SEC23IP: variants seen among roughly 807,000 people sequenced by gnomAD.
SEC23IP encodes the protein SEC23 interacting protein.
A neutral mutation model predicts 113.4 loss-of-function variants in SEC23IP; 70 were observed. That is an observed-to-expected ratio of 0.62 (90% CI 0.51 to 0.75). SEC23IP has a LOEUF of 0.75. Among genes scored for constraint, SEC23IP ranks in the 30% least tolerant of loss-of-function variants. The pLI, the probability that SEC23IP is intolerant of heterozygous loss-of-function variation, is 0.00. For synonymous variants in SEC23IP, 398 were observed against 421.0 expected (o/e 0.95, Z 0.67); for missense variants, 1,160 against 1,204.9 (o/e 0.96, Z 0.55).
intron 3 of SEC23IP, among the ~76,000 whole-genome samples, chr10:119,903,661 A>G (rs1854569528): frequency 6.6e-6 from 1 of 152,208 alleles, no homozygotes; most frequent in African/African-American, 2.4e-5. Context: ...CTATTTTGAA[A>G]TAAAAATGAG....
At chr10:119,918,926 A>C (rs1855144418) in intron 10 of SEC23IP, among the ~76,000 whole-genome samples, 2 of 152,180 alleles carry the variant, frequency 1.3e-5, no homozygotes, top group Admixed American at 6.5e-5. Context: ...TGTGATTTTT[A>C]AAAATGTAAA....
intron 4 of SEC23IP, 39 bp downstream of exon 4, chr10:119,904,316 A>C (rs577038546): frequency 6.4e-7 from 1 of 1,570,536 alleles, no homozygotes; most frequent in Non-Finnish European, 8.8e-7. Flanking sequence ...TCTTTAAAAA[A>C]TGTAGGTCCT....
At chr10:119,924,941 C>T (rs1042040169) in intron 12 of SEC23IP, among the ~76,000 whole-genome samples, 3 of 151,974 alleles carry the variant, frequency 2.0e-5, no homozygotes, top group Non-Finnish European at 4.4e-5. Context: ...CCATGCCCAG[C>T]TAATTTTTCT....
At chr10:119,894,343 A>T (rs61870584) in intron 1 of SEC23IP, among the ~76,000 whole-genome samples, 1 of 152,116 alleles carries the variant, frequency 6.6e-6, no homozygotes, top group Non-Finnish European at 1.5e-5. Context: ...AGACAGTTTC[A>T]TGGAGAAGCG....
chr10:119,928,864 T>C (rs1855500638), intron 13 of SEC23IP, among the ~76,000 whole-genome samples: 1 of 152,270 alleles, frequency 6.6e-6, no homozygotes. Context: ...ATGATAGTTA[T>C]AATAGTAACA....
At chr10:119,914,399 T>G (rs1417689342) in intron 6 of SEC23IP, 2 of 266,186 alleles carry the variant, frequency 7.5e-6, no homozygotes, top group African/African-American at 4.4e-5. Flanking sequence ...CTGAGTAATC[T>G]CCACTGGGGC....
Position 119,926,039 on chromosome 10 carries a change from A to G in SEC23IP, c.2125A>G (p.Lys709Glu). 2 of 1,608,750 alleles carry G rather than the reference A, an allele frequency of 1.2e-6. No homozygotes were observed. The highest frequency in any genetic ancestry group is 1.7e-6 in the Non-Finnish European group (2 of 1,178,054). The change falls in exon 13 of 19, where the codon AAA becomes GAA. Residue 709 changes from lysine (K) to glutamate (E), a missense_variant. Transcript: ENST00000369075. Reference sequence around the variant, plus strand: ...ACTAAATTTTGGTATTTTACAGAAAAAAGCAGCGTCAGAAAAGAAGGCAGT... The same window carrying G: ...ACTAAATTTTGGTATTTTACAGAAAGAAGCAGCGTCAGAAAAGAAGGCAGT... ...FVEHKAAKLK[K>E]AASEKKAVAA...
intron 1 of SEC23IP, 49 bp downstream of exon 1, chr10:119,892,994 C>A: frequency 6.4e-7 from 1 of 1,567,640 alleles, no homozygotes; most frequent in Non-Finnish European, 8.7e-7. Flanking sequence ...GGGCGGGGGA[C>A]GTGCAATGAC....
intron 4 of SEC23IP, 53 bp from the exon 5 acceptor site, chr10:119,908,988 C>G (rs1390471445): frequency 1.8e-5 from 22 of 1,192,456 alleles, no homozygotes; most frequent in Non-Finnish European, 2.7e-5. Flanking sequence ...TACTTTCTCT[C>G]CATGTGGTAT....
chr10:119,917,971 C>A lies in SEC23IP; in HGVS notation c.1680C>A (p.Asn560Lys), dbSNP rs1855108796. The change falls in exon 9 of 19, where the codon AAC becomes AAA. Residue 560 changes from asparagine to lysine, a missense_variant. Physicochemically the swap from Asn to Lys is moderately conservative, Grantham distance 94. Transcript: ENST00000369075. ...TGGAAAAAGTAGGAATGGAGATAAA[C>A]CATCTGCATGCACTCTTTATGAGTC... is the stretch of plus-strand genomic sequence containing the variant. ...TIVEKVGMEI[N>K]HLHALFMSRN... 6.2e-7 allele frequency: 1 copy of A among 1,614,016 alleles called. No individual in the cohort carries two copies. Among genetic ancestry groups the A allele is most frequent in the East Asian group, 2.2e-5 (1 of 44,870 alleles).
chr10:119,893,763 G>C (rs1055483223), intron 1 of SEC23IP, among the ~76,000 whole-genome samples: 1 of 151,926 alleles, frequency 6.6e-6, no homozygotes, highest in Non-Finnish European at 1.5e-5. Context: ...CAAGTGATCC[G>C]CCTGCCCTGG....
At chr10:119,893,999 A>T (rs1028954845) in intron 1 of SEC23IP, among the ~76,000 whole-genome samples, 11 of 152,214 alleles carry the variant, frequency 7.2e-5, no homozygotes, top group Non-Finnish European at 1.5e-4. Flanking sequence ...GACTGTCTGT[A>T]TTCCAGTCCT....
intron 13 of SEC23IP, among the ~76,000 whole-genome samples, chr10:119,927,440 T>G (rs1170420274): frequency 6.6e-6 from 1 of 152,148 alleles, no homozygotes; most frequent in African/African-American, 2.4e-5. Context: ...GGGAATCCTT[T>G]CGTGTTTCTT....
chr10:119,894,337 A>G (rs1430699955), intron 1 of SEC23IP, among the ~76,000 whole-genome samples: 1 of 152,206 alleles, frequency 6.6e-6, no homozygotes, highest in African/African-American at 2.4e-5. Flanking sequence ...GATGAAAGAC[A>G]GTTTCATGGA....
At chr10:119,897,073 C>T (rs968651379) in intron 1 of SEC23IP, among the ~76,000 whole-genome samples, 2 of 152,186 alleles carry the variant, frequency 1.3e-5, no homozygotes, top group African/African-American at 4.8e-5. Flanking sequence ...AAGCTTGGAG[C>T]CCGGAGCTTG....
intron 11 of SEC23IP, 48 bp downstream of exon 11, chr10:119,919,644 G>A (rs1443313588): frequency 2.8e-6 from 4 of 1,447,098 alleles, no homozygotes; most frequent in South Asian, 2.9e-5. Flanking sequence ...TTTTTCTTGT[G>A]TAGATTGAAA....
At chr10:119,911,993 T>C (rs1197799029) in intron 5 of SEC23IP, 51 bp from the exon 6 acceptor site, 1 of 1,608,808 alleles carries the variant, frequency 6.2e-7, no homozygotes, top group Admixed American at 1.7e-5. Flanking sequence ...TAGCCTGTAG[T>C]GGAAAAGAAT....
chr10:119,905,977 C>T (rs1047911396), intron 4 of SEC23IP, among the ~76,000 whole-genome samples: 1 of 151,884 alleles, frequency 6.6e-6, no homozygotes, highest in Non-Finnish European at 1.5e-5. Flanking sequence ...AAAAGGTGAC[C>T]TCAAGAAATG....
intron 4 of SEC23IP, 70 bp from the exon 5 acceptor site, chr10:119,908,971 T>G: frequency 3.0e-6 from 3 of 999,130 alleles, no homozygotes; most frequent in Non-Finnish European, 4.6e-6. Flanking sequence ...GTGACCGTTT[T>G]CCTCCATACT....
Sources: gnomAD v4.1 joint callset for allele counts (sites outside exome capture counted in the v4.1 genomes callset) on GRCh38, gnomAD v4.1.1 for gene constraint, MANE v1.5 for transcripts, NCBI Gene and HGNC (gene_info 2026-07-23, HGNC 2026-07-21) for gene names.